CIRSR: variants seen among roughly 807,000 people sequenced by gnomAD.
CIRSR encodes corepressor of RBPJ and splicing regulator.
the CIRSR span, among the ~76,000 whole-genome samples, chr2:174,393,847 C>T: frequency 6.6e-6 from 1 of 152,100 alleles, no homozygotes; most frequent in Non-Finnish European, 1.5e-5. Context: ...TCCTCCTACC[C>T]TAATAAATTT....
chr2:174,353,175 T>C, the CIRSR span, among the ~76,000 whole-genome samples: 510 of 152,288 alleles, frequency 3.3e-3, 3 homozygotes, highest in Non-Finnish European at 5.9e-3. Context: ...CTGTCTATTA[T>C]TGGAGTATGG....
the CIRSR span, chr2:174,350,677 T>C: frequency 6.2e-7 from 1 of 1,605,782 alleles, no homozygotes; most frequent in Non-Finnish European, 8.5e-7. Flanking sequence ...GTTTCTGTTT[T>C]TGTTTGGTTG....
chr2:174,380,559 C>T, the CIRSR span: 4 of 1,177,956 alleles, frequency 3.4e-6, no homozygotes, highest in South Asian at 1.4e-5. Context: ...CAGTTGCCTC[C>T]TCTAATGATT....
the CIRSR span, among the ~76,000 whole-genome samples, chr2:174,359,976 C>T: frequency 2.6e-5 from 4 of 152,144 alleles, no homozygotes; most frequent in East Asian, 5.8e-4. Context: ...AACCAAACAC[C>T]GCATGTTCTC....
chr2:174,394,592 CTG>C, the CIRSR span, among the ~76,000 whole-genome samples: 1 of 152,040 alleles, frequency 6.6e-6, no homozygotes. Context: ...CAAGGTGTAT[CTG>C]TGTTATTAAA....
chr2:174,350,782 C>T, the CIRSR span: 5 of 1,432,200 alleles, frequency 3.5e-6, no homozygotes, highest in Admixed American at 1.9e-5. Context: ...TGCTAGATTT[C>T]AACACAAGGT....
the CIRSR span, chr2:174,348,955 A>G: frequency 6.2e-7 from 1 of 1,601,192 alleles, no homozygotes; most frequent in Non-Finnish European, 8.5e-7. Context: ...TGCCCTGAAC[A>G]CTTGTTTTTC....
At chr2:174,380,327 A>G in the CIRSR span, 1 of 1,013,922 alleles carries the variant, frequency 9.9e-7, no homozygotes. Context: ...TCAGAAAAAT[A>G]GTTTTACAGT....
the CIRSR span, among the ~76,000 whole-genome samples, chr2:174,384,318 C>G: frequency 6.6e-6 from 1 of 152,124 alleles, no homozygotes; most frequent in African/African-American, 2.4e-5. Context: ...TTAGAATAGG[C>G]AAATTCATAG....
the CIRSR span, among the ~76,000 whole-genome samples, chr2:174,393,934 T>G: frequency 6.6e-6 from 1 of 152,178 alleles, no homozygotes; most frequent in Non-Finnish European, 1.5e-5. Flanking sequence ...CCTCTCCCCA[T>G]AAAGTGTTAA....
the CIRSR span, among the ~76,000 whole-genome samples, chr2:174,352,164 G>T: frequency 6.6e-6 from 1 of 151,840 alleles, no homozygotes; most frequent in East Asian, 1.9e-4. Context: ...ATCCTTATTT[G>T]TCAAATAACA....
the CIRSR span, among the ~76,000 whole-genome samples, chr2:174,358,867 C>T: frequency 6.6e-6 from 1 of 152,052 alleles, no homozygotes. Flanking sequence ...TGCACGCCAC[C>T]ACGCCCAGCT....
the CIRSR span, among the ~76,000 whole-genome samples, chr2:174,362,848 T>A: frequency 1.3e-5 from 2 of 152,060 alleles, no homozygotes; most frequent in Non-Finnish European, 2.9e-5. Flanking sequence ...GTAGGAATAC[T>A]TAGAGTAATT....
At chr2:174,354,447 TATATA>T in the CIRSR span, among the ~76,000 whole-genome samples, 1,567 of 19,432 alleles carry the variant, frequency 0.081, 61 homozygotes, top group African/African-American at 0.12. Flanking sequence ...TATAATATAT[TATATA>T]ATATAATATA....
chr2:174,362,608 G>A, the CIRSR span, among the ~76,000 whole-genome samples: 3 of 145,886 alleles, frequency 2.1e-5, no homozygotes, highest in Non-Finnish European at 4.5e-5. Flanking sequence ...GCATGAACCC[G>A]GGAGGGAGGT....
At chr2:174,361,751 A>T in the CIRSR span, among the ~76,000 whole-genome samples, 1 of 152,206 alleles carries the variant, frequency 6.6e-6, no homozygotes, top group Non-Finnish European at 1.5e-5. Flanking sequence ...CACACTAAAA[A>T]CTATAGTGTA....
the CIRSR span, chr2:174,380,287 G>A: frequency 1.4e-6 from 2 of 1,458,560 alleles, no homozygotes; most frequent in Non-Finnish European, 1.9e-6. Flanking sequence ...ACAATATTAA[G>A]AATAATTTAA....
the CIRSR span, among the ~76,000 whole-genome samples, chr2:174,388,922 G>A: frequency 6.6e-6 from 1 of 152,062 alleles, no homozygotes; most frequent in South Asian, 2.1e-4. Context: ...TTTTATAAGG[G>A]GTTTTTCCTC....
At chr2:174,383,871 A>AAAAAC in the CIRSR span, among the ~76,000 whole-genome samples, 1 of 151,832 alleles carries the variant, frequency 6.6e-6, no homozygotes, top group African/African-American at 2.4e-5. Flanking sequence ...AAAAAAAGAA[A>AAAAAC]ATAACAAATG....
Sources: gnomAD v4.1 joint callset for allele counts (sites outside exome capture counted in the v4.1 genomes callset) on GRCh38, gnomAD v4.1.1 for gene constraint, MANE v1.5 for transcripts, NCBI Gene and HGNC (gene_info 2026-07-23, HGNC 2026-07-21) for gene names.